The following MIPOL1 variants were observed in gnomAD, a reference collection of about 807,000 sequenced individuals.
MIPOL1 encodes the protein mirror-image polydactyly gene 1 protein.
In MIPOL1, 57 loss-of-function variants were observed where a neutral mutation model predicts 60.9. The observed-to-expected ratio is 0.94, with a 90% CI of 0.76 to 1.17. The LOEUF (loss-of-function observed/expected upper bound fraction) is 1.17, where lower values mean the gene tolerates loss of function less well. Ranked by LOEUF, MIPOL1 falls within the 50% of genes most tolerant of loss-of-function variation. MIPOL1 has a pLI of 0.00. For missense variants in MIPOL1, 551 were observed against 511.6 expected (o/e 1.08, Z -0.74); for synonymous variants, 179 against 168.8 (o/e 1.06, Z -0.47).
At chr14:37,298,523 A>C (rs1362578535) in intron 7 of MIPOL1, among the ~76,000 whole-genome samples, 5 of 152,180 alleles carry the variant, frequency 3.3e-5, no homozygotes, top group Non-Finnish European at 7.3e-5. Context: ...CAACCTACAG[A>C]ATGGGAGACA....
chr14:37,199,231 A>G (rs1964832374), intron 1 of MIPOL1, among the ~76,000 whole-genome samples: 1 of 152,252 alleles, frequency 6.6e-6, no homozygotes, highest in African/African-American at 2.4e-5. Context: ...ATCAGGAAAG[A>G]GCATTATTGC....
intron 11 of MIPOL1, among the ~76,000 whole-genome samples, chr14:37,435,257 A>G (rs1595763479): frequency 6.6e-6 from 1 of 152,044 alleles, no homozygotes; most frequent in Admixed American, 6.6e-5. Context: ...TAATAACTCA[A>G]ATATTCTAGG....
At chr14:37,228,325 CTTTTTTT>C (rs397961053) in intron 1 of MIPOL1, among the ~76,000 whole-genome samples, 3 of 105,182 alleles carry the variant, frequency 2.9e-5, no homozygotes, top group Non-Finnish European at 4.2e-5. Context: ...TCTTTCTTTT[CTTTTTTT>C]TTTTTTTTTT....
intron 3 of MIPOL1, among the ~76,000 whole-genome samples, chr14:37,249,493 C>T (rs1973737388): frequency 6.6e-6 from 1 of 152,058 alleles, no homozygotes; most frequent in Non-Finnish European, 1.5e-5. Flanking sequence ...GCTGTTTTTG[C>T]ACCCACCATT....
intron 9 of MIPOL1, among the ~76,000 whole-genome samples, chr14:37,312,041 G>C (rs2087385458): frequency 8.7e-6 from 1 of 114,416 alleles, no homozygotes; most frequent in Non-Finnish European, 1.9e-5. Flanking sequence ...TTTTTCTCAT[G>C]ATTAAAGTGA....
Position 37,521,235 on chromosome 14 carries a change from C to A in MIPOL1, c.1262+21097C>A, listed in dbSNP as rs562554677. 5.0e-5 allele frequency among the ~76,000 whole-genome samples: 3 copies of A among 59,588 alleles called. No individual in the cohort carries two copies. The East Asian group carries it at 2.1e-3, about 42-fold the overall frequency. The allele number at this position is 59,588 out of a possible 152,430, so 39.1% of individuals were successfully genotyped here. On this transcript the variant is annotated intron_variant, in intron 12 of 12. Coordinates refer to ENST00000684589, the MANE Select transcript of MIPOL1 (RefSeq NM_001388067.1). ...TATAGGTGTGAGCCACTGCGCCCAGCCACATTTACTTTTAAAATAAAACAA... is the reference window on the plus strand; with the variant it reads ...TATAGGTGTGAGCCACTGCGCCCAGACACATTTACTTTTAAAATAAAACAA...
At chr14:37,410,934 A>G (rs575330090) in intron 10 of MIPOL1, among the ~76,000 whole-genome samples, 36 of 152,266 alleles carry the variant, frequency 2.4e-4, no homozygotes, top group Non-Finnish European at 4.6e-4. Context: ...TAGCGAGGAA[A>G]GTAGAAAGCA....
chr14:37,275,241 T>G lies in MIPOL1; in HGVS notation c.493+4716T>G, dbSNP rs191220038. Reference sequence around the variant, plus strand: ...TTACTTCACTGTAGCTGTTTAAGACTTTTTACTGAGTTTTAGCTCATTAAA... The same window carrying G: ...TTACTTCACTGTAGCTGTTTAAGACGTTTTACTGAGTTTTAGCTCATTAAA... On this transcript the variant is annotated intron_variant, in intron 6 of 12. Transcript: ENST00000684589. 4.0e-5 allele frequency among the ~76,000 whole-genome samples: 6 copies of G among 151,326 alleles called. No individual in the cohort carries two copies. The East Asian group carries it at 1.2e-3, about 29-fold the overall frequency.
At chr14:37,406,806 A>G (rs1413987833) in intron 10 of MIPOL1, among the ~76,000 whole-genome samples, 1 of 152,138 alleles carries the variant, frequency 6.6e-6, no homozygotes, top group Non-Finnish European at 1.5e-5. Flanking sequence ...CTAGACATTA[A>G]AAGTGGTAAA....
intron 1 of MIPOL1, among the ~76,000 whole-genome samples, chr14:37,206,252 G>A (rs1192596973): frequency 6.6e-6 from 1 of 152,286 alleles, no homozygotes; most frequent in East Asian, 1.9e-4. Flanking sequence ...TCCCAGACAC[G>A]CCAGCCTTGG....
At chr14:37,216,154 A>G (rs1967655377) in intron 1 of MIPOL1, among the ~76,000 whole-genome samples, 1 of 152,156 alleles carries the variant, frequency 6.6e-6, no homozygotes, top group Admixed American at 6.5e-5. Flanking sequence ...TATCAGGCAA[A>G]ATAGATTTCA....
chr14:37,406,523 G>C (rs548220126), intron 10 of MIPOL1, among the ~76,000 whole-genome samples: 1 of 152,220 alleles, frequency 6.6e-6, no homozygotes, highest in Non-Finnish European at 1.5e-5. Context: ...TGCTTCTTGA[G>C]TTTAAATAAG....
At chr14:37,475,155 G>T (rs538211824) in intron 11 of MIPOL1, among the ~76,000 whole-genome samples, 3 of 152,008 alleles carry the variant, frequency 2.0e-5, no homozygotes, top group Non-Finnish European at 4.4e-5. Flanking sequence ...AGTAGAGACA[G>T]GGTTTCACCA....
chr14:37,204,599 T>C (rs1594425399), intron 1 of MIPOL1, among the ~76,000 whole-genome samples: 1 of 152,154 alleles, frequency 6.6e-6, no homozygotes, highest in African/African-American at 2.4e-5. Flanking sequence ...ATGTGAGATG[T>C]GCCTTTCACC....
At chr14:37,268,013 C>T (rs922459705) in intron 4 of MIPOL1, among the ~76,000 whole-genome samples, 1 of 152,144 alleles carries the variant, frequency 6.6e-6, no homozygotes, top group African/African-American at 2.4e-5. Flanking sequence ...CCTGATACTT[C>T]TACCCATGAG....
chr14:37,200,523 T>C (rs1965060904), intron 1 of MIPOL1, among the ~76,000 whole-genome samples: 1 of 152,196 alleles, frequency 6.6e-6, no homozygotes, highest in Non-Finnish European at 1.5e-5. Context: ...CAGTGGAATG[T>C]CTCTAGTTAG....
At chr14:37,512,704 G>A (rs1483756688) in intron 12 of MIPOL1, among the ~76,000 whole-genome samples, 1 of 151,900 alleles carries the variant, frequency 6.6e-6, no homozygotes, top group African/African-American at 2.4e-5. Context: ...TTGTTGGACT[G>A]TAAGTGTCAA....
At chr14:37,383,320 G>C (rs1304899326) in intron 10 of MIPOL1, among the ~76,000 whole-genome samples, 2 of 151,666 alleles carry the variant, frequency 1.3e-5, no homozygotes, top group African/African-American at 4.8e-5. Context: ...TCATTTTTGT[G>C]TATTTTATTC....
chr14:37,214,246 CA>C (rs1967198899), intron 1 of MIPOL1, among the ~76,000 whole-genome samples: 1 of 151,952 alleles, frequency 6.6e-6, no homozygotes, highest in African/African-American at 2.4e-5. Flanking sequence ...GATAAACCAA[CA>C]AAAAAGTAGT....
Sources: gnomAD v4.1 joint callset for allele counts (sites outside exome capture counted in the v4.1 genomes callset) on GRCh38, gnomAD v4.1.1 for gene constraint, MANE v1.5 for transcripts, NCBI Gene and HGNC (gene_info 2026-07-23, HGNC 2026-07-21) for gene names.